Variants in CDYL observed in about 807,000 individuals in gnomAD.
CDYL encodes chromodomain Y like.
In CDYL, 8 loss-of-function variants were observed where a neutral mutation model predicts 47.3. The observed-to-expected ratio is 0.17, with a 90% confidence interval of 0.10 to 0.31. The LOEUF (loss-of-function observed/expected upper bound fraction) is 0.31, where lower values mean the gene tolerates loss of function less well. Among genes scored for constraint, CDYL ranks in the 10% least tolerant of loss-of-function variants. The probability of loss-of-function intolerance (pLI) is 1.00; values close to 1 mark genes in which losing one functional copy is unlikely to be tolerated. For synonymous variants in CDYL, 266 were observed against 265.0 expected, an observed-to-expected ratio of 1.00 and a Z score of -0.04; for missense variants, 471 against 701.4, an observed-to-expected ratio of 0.67 and a Z score of 3.71.
intron 3 of CDYL, among the ~76,000 whole-genome samples, chr6:4,745,697 A>C (rs1286424093): frequency 1.3e-5 from 2 of 152,260 alleles, no homozygotes; most frequent in Non-Finnish European, 2.9e-5. Context: ...CTTGCAGAAC[A>C]GGGCGTCCAG....
chr6:4,851,230 AT>A (rs1760817262), intron 1 of CDYL, among the ~76,000 whole-genome samples: 1 of 152,250 alleles, frequency 6.6e-6, no homozygotes, highest in Admixed American at 6.5e-5. Flanking sequence ...TGGTTTTCCC[AT>A]CTGTAAAATG....
chr6:4,789,653 G>A (rs1758865001), intron 1 of CDYL, among the ~76,000 whole-genome samples: 1 of 152,184 alleles, frequency 6.6e-6, no homozygotes. Context: ...AAAAATTGTT[G>A]TAGAATCAGT....
At chr6:4,911,400 G>T (rs575908285) in intron 2 of CDYL, among the ~76,000 whole-genome samples, 1 of 152,342 alleles carries the variant, frequency 6.6e-6, no homozygotes, top group Non-Finnish European at 1.5e-5. Flanking sequence ...TAGTTGCTCC[G>T]TAGAAGTATA....
intron 1 of CDYL, among the ~76,000 whole-genome samples, chr6:4,838,775 C>T (rs909417447): frequency 6.6e-6 from 1 of 152,042 alleles, no homozygotes; most frequent in Admixed American, 6.5e-5. Context: ...CAGCCTCCAC[C>T]TCCCGGGTTC....
chr6:4,793,518 C>T (rs186416397), intron 1 of CDYL, among the ~76,000 whole-genome samples: 40 of 152,176 alleles, frequency 2.6e-4, no homozygotes, highest in Non-Finnish European at 3.7e-4. Context: ...CATAAATGTG[C>T]TAAGAAGTAC....
At chr6:4,764,595 G>T (rs1208038869) in intron 3 of CDYL, among the ~76,000 whole-genome samples, 1 of 152,110 alleles carries the variant, frequency 6.6e-6, no homozygotes, top group Non-Finnish European at 1.5e-5. Context: ...GTCAGTTGTA[G>T]GTATCTTAAT....
At chr6:4,928,413 A>C (rs1757942062) in intron 2 of CDYL, among the ~76,000 whole-genome samples, 1 of 152,112 alleles carries the variant, frequency 6.6e-6, no homozygotes, top group African/African-American at 2.4e-5. Context: ...TTATTTTCTA[A>C]ATAGTTCCCA....
At chr6:4,879,582 G>C (rs1424140107) in intron 1 of CDYL, among the ~76,000 whole-genome samples, 1 of 123,794 alleles carries the variant, frequency 8.1e-6, no homozygotes, top group Admixed American at 9.4e-5. Context: ...TTTTGAGACA[G>C]AGTTTCGCTC....
intron 2 of CDYL, among the ~76,000 whole-genome samples, chr6:4,719,639 GAC>G (rs1442035879): frequency 6.6e-6 from 1 of 152,148 alleles, no homozygotes; most frequent in Admixed American, 6.5e-5. Context: ...AGACAACAAA[GAC>G]AGGAGAACGA....
rs145745188 is a variant in CDYL at position 4,788,176 on chromosome 6, G to A, written c.24+11369G>A. 6.3e-3 allele frequency among the ~76,000 whole-genome samples: 961 copies of A among 152,156 alleles called. 9 individuals are homozygous for A. Among genetic ancestry groups the A allele is most frequent in the African/African-American group, 0.022 (925 of 41,510 alleles). Reference sequence around the variant, plus strand: ...TGTAGCAGGAAAGGGACATGACTTGGGGTTTGGTGAACTGTTTAAAAAGGC... The same window carrying A: ...TGTAGCAGGAAAGGGACATGACTTGAGGTTTGGTGAACTGTTTAAAAAGGC... On this transcript the variant is annotated intron_variant, in intron 1 of 6. Coordinates refer to ENST00000397588, the MANE Select transcript of CDYL (RefSeq NM_004824.4).
intron 2 of CDYL, among the ~76,000 whole-genome samples, chr6:4,716,768 C>T (rs539888486): frequency 2.0e-5 from 3 of 152,004 alleles, no homozygotes; most frequent in Admixed American, 6.6e-5. Context: ...ATTTATTTAC[C>T]GTATACGGTG....
intron 1 of CDYL, among the ~76,000 whole-genome samples, chr6:4,851,995 C>T (rs1031778774): frequency 6.6e-6 from 1 of 152,058 alleles, no homozygotes; most frequent in Non-Finnish European, 1.5e-5. Context: ...GTAACCAGGC[C>T]AGTTGCTTCT....
chr6:4,950,773 C>CA (rs998001701), intron 5 of CDYL, among the ~76,000 whole-genome samples: 23 of 150,760 alleles, frequency 1.5e-4, no homozygotes, highest in African/African-American at 4.4e-4. Context: ...CCAAAAAATA[C>CA]AAAAAAAAAT....
chr6:4,900,781 A>C (rs2027421), intron 2 of CDYL, among the ~76,000 whole-genome samples: 1 of 32,772 alleles, frequency 3.1e-5, no homozygotes, highest in African/African-American at 1.6e-4. Flanking sequence ...ATACGTGTGT[A>C]TATATATATA....
At chr6:4,789,272 C>T (rs1429921283) in intron 1 of CDYL, among the ~76,000 whole-genome samples, 1 of 152,024 alleles carries the variant, frequency 6.6e-6, no homozygotes, top group Non-Finnish European at 1.5e-5. Context: ...TACGGGGTTT[C>T]GCCATGTTGG....
chr6:4,841,200 A>G (rs1002677770), intron 1 of CDYL, among the ~76,000 whole-genome samples: 2 of 152,104 alleles, frequency 1.3e-5, no homozygotes, highest in African/African-American at 4.8e-5. Context: ...TATGTGCATA[A>G]AGGTGTTCGT....
intron 2 of CDYL, among the ~76,000 whole-genome samples, chr6:4,925,189 A>G (rs977075049): frequency 2.0e-5 from 3 of 152,116 alleles, no homozygotes; most frequent in East Asian, 1.9e-4. Flanking sequence ...TCTCCAGACA[A>G]TTGTGCATAA....
intron 1 of CDYL, among the ~76,000 whole-genome samples, chr6:4,826,359 C>T (rs945537621): frequency 7.9e-5 from 12 of 151,904 alleles, no homozygotes; most frequent in Admixed American, 6.6e-4. Context: ...GTATCTTACC[C>T]GTAATCTTTA....
In CDYL at chr6:4,734,812, C is replaced by T. The variant is rs751512230; in HGVS notation, c.154C>T (p.Gln52Ter). ...CCCCAGCATCTCCGTGAGCAGTGAG[C>T]AAAGCGGGGCACAGCAGCCTCCCGC... Residue 52 changes from glutamine (Q) to a stop codon, truncating the protein, a stop_gained, in exon 3 of 9, where the codon CAA (glutamine) becomes TAA (stop). Transcript: ENST00000328908. LOFTEE classifies it high-confidence loss of function. The T allele has an allele frequency of 1.2e-6, 2 of 1,614,132 alleles. No individual in the cohort carries two copies. Among genetic ancestry groups the T allele is most frequent in the Admixed American group, 3.3e-5 (2 of 60,022 alleles).
Sources: gnomAD v4.1 joint callset for allele counts (sites outside exome capture counted in the v4.1 genomes callset) on GRCh38, gnomAD v4.1.1 for gene constraint, MANE v1.5 for transcripts, NCBI Gene and HGNC (gene_info 2026-07-23, HGNC 2026-07-21) for gene names.